Variants in DTD2 observed in about 807,000 individuals in gnomAD.
DTD2 encodes the protein D-aminoacyl-tRNA deacylase 2, also known as D-tyrosyl-tRNA deacylase 2 (putative).
Under a neutral mutation model 15.5 loss-of-function variants are expected in DTD2, and 12 were observed. The ratio of observed to expected loss-of-function variants is 0.77; its 90% CI spans 0.50 to 1.25. The LOEUF is 1.25. Among genes scored for constraint, DTD2 ranks in the 50% most tolerant of loss-of-function variants. The probability of loss-of-function intolerance (pLI) is 0.00; values close to 1 mark genes in which losing one functional copy is unlikely to be tolerated. For synonymous variants in DTD2, 59 were observed against 77.3 expected, an observed-to-expected ratio of 0.76 and a Z score of 1.24; for missense variants, 170 against 201.1, an observed-to-expected ratio of 0.85 and a Z score of 0.93.
chr14:31,457,421 G>A lies in DTD2; in HGVS notation c.-28C>T, dbSNP rs753906744. The A allele has an allele frequency of 1.3e-5, 19 of 1,435,964 alleles. No homozygotes were observed. Among genetic ancestry groups the A allele is most frequent in the East Asian group, 5.4e-5 (2 of 37,254 alleles). The allele number at this position is 1,435,964 out of a possible 1,614,324, so 89.0% of individuals were successfully genotyped here. A position where few individuals can be genotyped will look rare whatever the true frequency, so the allele number is the denominator to read the frequency against. On this transcript the variant is annotated 5_prime_UTR_variant, in exon 1 of 3. Coordinates refer to ENST00000310850, the MANE Select transcript of DTD2 (RefSeq NM_080664.3). ...CTTAAGCCAGCGCCGCGGCCGGACA[G>A]TTACTAGGCCATGTGTCGCTGGCCC...
At chr14:31,450,631 A>G (rs1440286419) in intron 2 of DTD2, among the ~76,000 whole-genome samples, 1 of 152,198 alleles carries the variant, frequency 6.6e-6, no homozygotes. Flanking sequence ...ACAAGCTAAT[A>G]CTATTAATAA....
intron 1 of DTD2, among the ~76,000 whole-genome samples, chr14:31,453,619 G>A (rs1296710801): frequency 6.6e-6 from 1 of 152,182 alleles, no homozygotes; most frequent in Non-Finnish European, 1.5e-5. Flanking sequence ...AAATCATTAA[G>A]AGGATCAACC....
intron 1 of DTD2, among the ~76,000 whole-genome samples, chr14:31,453,669 T>C (rs182461992): frequency 1.2e-3 from 183 of 152,332 alleles, no homozygotes; most frequent in Middle Eastern, 0.01. Context: ...TAGAAACATT[T>C]CGTTTGCTGG....
intron 1 of DTD2, among the ~76,000 whole-genome samples, chr14:31,454,379 G>T (rs940419215): frequency 2.6e-5 from 4 of 152,144 alleles, no homozygotes; most frequent in African/African-American, 9.7e-5. Flanking sequence ...GTTATCCAAA[G>T]AATTTTCTAG....
chr14:31,452,516 A>G (rs2032048527), intron 2 of DTD2: 1 of 152,226 alleles, frequency 6.6e-6, no homozygotes, highest in Non-Finnish European at 1.5e-5. Flanking sequence ...AAACAGGCAA[A>G]TAGCTAAGGC....
At chr14:31,453,155 C>A (rs1360284908) in intron 2 of DTD2, 120 bp downstream of exon 2, 2 of 881,232 alleles carry the variant, frequency 2.3e-6, no homozygotes, top group African/African-American at 3.3e-5. Flanking sequence ...CCCAGGCTGG[C>A]TTCTAACTCC....
At position 31,457,415 on chromosome 14, in the gene DTD2, C is replaced by G. The variant is rs1482692426; in HGVS notation, c.-22G>C. ...CCATGGCTTAAGCCAGCGCCGCGGC[C>G]GGACAGTTACTAGGCCATGTGTCGC... is the stretch of plus-strand genomic sequence containing the variant. On this transcript the variant is annotated 5_prime_UTR_variant, in exon 1 of 3. Coordinates refer to ENST00000310850, the MANE Select transcript of DTD2 (RefSeq NM_080664.3). 5 of 1,456,670 alleles carry G rather than the reference C, an allele frequency of 3.4e-6. No individual in the cohort carries two copies. Among genetic ancestry groups the G allele is most frequent in the Non-Finnish European group, 4.6e-6 (5 of 1,096,040 alleles). The allele number at this position is 1,456,670 out of a possible 1,614,324, so 90.2% of individuals were successfully genotyped here. A position where few individuals can be genotyped will look rare whatever the true frequency, so the allele number is the denominator to read the frequency against.
chr14:31,450,143 A>G (rs747506669), intron 2 of DTD2, among the ~76,000 whole-genome samples: 5 of 152,216 alleles, frequency 3.3e-5, no homozygotes, highest in Non-Finnish European at 7.3e-5. Context: ...GCAATTTTGG[A>G]ATAACAGGCC....
At chr14:31,448,801 G>C (rs907343517) in intron 2 of DTD2, among the ~76,000 whole-genome samples, 3 of 152,174 alleles carry the variant, frequency 2.0e-5, no homozygotes, top group African/African-American at 7.2e-5. Context: ...TTACCTTCCT[G>C]TTCTTTTTAT....
At chr14:31,449,964 A>G (rs2139360535) in intron 2 of DTD2, among the ~76,000 whole-genome samples, 1 of 152,352 alleles carries the variant, frequency 6.6e-6, no homozygotes, top group Admixed American at 6.5e-5. Flanking sequence ...TTTTCACTTA[A>G]CTAACATTTA....
intron 2 of DTD2, among the ~76,000 whole-genome samples, chr14:31,449,213 A>G (rs902490526): frequency 6.6e-6 from 1 of 152,218 alleles, no homozygotes. Context: ...TTATAATGGA[A>G]TATCAAATAA....
At position 31,448,248 on chromosome 14, in the gene DTD2, C is replaced by T; in HGVS notation, c.388G>A (p.Val130Ile). The T allele has an allele frequency of 6.2e-7, 1 of 1,614,198 alleles. No individual in the cohort carries two copies. The highest frequency in any genetic ancestry group is 8.5e-7 in the Non-Finnish European group (1 of 1,180,038). Residue 130 changes from valine to isoleucine, a missense_variant, in exon 3 of 3, where the codon GTA becomes ATA. Transcript: ENST00000310850. ...TCAGCACACTTGCTATTAGCAGCTA[C>T]TTCTTTTTCACATAGAGTCACAAAT... ...SQFVTLCEKEVAANSKCAEAR... is the reference protein window; with the variant it reads ...SQFVTLCEKEIAANSKCAEAR...
rs1028093071 is a variant in DTD2 at position 31,447,539 on chromosome 14, G to C, written c.*590C>G. 1 of 151,824 alleles carries C rather than the reference G, an allele frequency of 6.6e-6. No homozygotes were observed. The highest frequency in any genetic ancestry group is 1.5e-5 in the Non-Finnish European group (1 of 67,944). The allele number at this position is 151,824 out of a possible 1,614,324, so 9.4% of individuals were successfully genotyped here. Reference sequence around the variant, plus strand: ...CATAATTTTTAAAAAACAACTAAGAGGCCGGGCACGGTGGCTCATGCCTGT... The same window carrying C: ...CATAATTTTTAAAAAACAACTAAGACGCCGGGCACGGTGGCTCATGCCTGT... On this transcript the variant is annotated 3_prime_UTR_variant, in exon 3 of 3. Coordinates refer to ENST00000310850, the MANE Select transcript of DTD2 (RefSeq NM_080664.3).
At chr14:31,455,633 G>T (rs1379443952) in intron 1 of DTD2, among the ~76,000 whole-genome samples, 1 of 150,462 alleles carries the variant, frequency 6.6e-6, no homozygotes, top group East Asian at 2.0e-4. Flanking sequence ...TCAGGCTGGA[G>T]TGCAGTGGCG....
intron 1 of DTD2, among the ~76,000 whole-genome samples, chr14:31,455,206 G>A (rs2032081328): frequency 6.6e-6 from 1 of 152,090 alleles, no homozygotes; most frequent in South Asian, 2.1e-4. Flanking sequence ...AGCATGGAAG[G>A]AAACTAAATG....
In DTD2 at chr14:31,447,996, A is replaced by G; in HGVS notation, c.*133T>C. ...TCATCCAATTAGCAGGTGCAGAGTTATATATGAAACCCAAGATTTTCCTGT... is the reference window on the plus strand; with the variant it reads ...TCATCCAATTAGCAGGTGCAGAGTTGTATATGAAACCCAAGATTTTCCTGT... On this transcript the variant is annotated 3_prime_UTR_variant, in exon 3 of 3. Coordinates refer to ENST00000310850, the MANE Select transcript of DTD2 (RefSeq NM_080664.3). 1 of 744,958 alleles carries G rather than the reference A, an allele frequency of 1.3e-6. No individual in the cohort carries two copies. Among genetic ancestry groups the G allele is most frequent in the South Asian group, 1.9e-5 (1 of 52,502 alleles). 46.1% of individuals were successfully genotyped at this position (744,958 alleles called of 1,614,324 possible). A position where few individuals can be genotyped will look rare whatever the true frequency, so the allele number is the denominator to read the frequency against.
intron 2 of DTD2, among the ~76,000 whole-genome samples, chr14:31,451,633 T>G (rs569999275): frequency 6.6e-6 from 1 of 152,328 alleles, no homozygotes; most frequent in South Asian, 2.1e-4. Context: ...TCAGACATGT[T>G]TGATATGTCA....
At chr14:31,453,487 T>C in intron 1 of DTD2, 143 bp from the exon 2 acceptor site, 1 of 635,430 alleles carries the variant, frequency 1.6e-6, no homozygotes, top group Non-Finnish European at 2.5e-6. Flanking sequence ...AGATTTCTCA[T>C]GTGAGAAAAC....
intron 2 of DTD2, among the ~76,000 whole-genome samples, 194 bp downstream of exon 2, chr14:31,453,081 G>A (rs1351237836): frequency 6.6e-6 from 1 of 151,874 alleles, no homozygotes; most frequent in African/African-American, 2.4e-5. Context: ...AGGACCATAG[G>A]CACAGGTCAC....
Sources: allele counts gnomAD v4.1 joint callset (sites outside exome capture counted in the v4.1 genomes callset), GRCh38; gene constraint gnomAD v4.1.1; transcripts MANE v1.5; gene names NCBI Gene and HGNC (gene_info 2026-07-23, HGNC 2026-07-21).